IMPG1: variants seen among roughly 807,000 people sequenced by gnomAD.
The protein encoded by IMPG1 is interphotoreceptor matrix proteoglycan of 150 kDa.
In IMPG1, 85 loss-of-function variants were observed where a neutral mutation model predicts 92.0. The ratio of observed to expected loss-of-function variants is 0.92; its 90% CI spans 0.78 to 1.11. The LOEUF is 1.11. IMPG1 is among the 50% of genes least tolerant of loss of function. The pLI is 0.00. For synonymous variants in IMPG1, 367 were observed against 334.1 expected, an observed-to-expected ratio of 1.10 and a Z score of -1.08; for missense variants, 1,022 against 956.0, an observed-to-expected ratio of 1.07 and a Z score of -0.91.
At chr6:75,934,092 C>T (rs1781702359) in intron 14 of IMPG1, among the ~76,000 whole-genome samples, 2 of 152,120 alleles carry the variant, frequency 1.3e-5, no homozygotes, top group South Asian at 4.1e-4. Context: ...TGAGAGCCCC[C>T]CCACCCCACC....
chr6:76,020,065 A>AT (rs1783390177), intron 6 of IMPG1, among the ~76,000 whole-genome samples: 1 of 151,950 alleles, frequency 6.6e-6, no homozygotes, highest in South Asian at 2.1e-4. Flanking sequence ...TTATTTATTT[A>AT]TTTTTTTGAC....
At chr6:75,958,751 G>C (rs1782168929) in intron 12 of IMPG1, among the ~76,000 whole-genome samples, 1 of 151,912 alleles carries the variant, frequency 6.6e-6, no homozygotes, top group South Asian at 2.1e-4. Flanking sequence ...TCTCTAAACT[G>C]GTTATTCTAG....
At chr6:76,045,434 C>A (rs1437174882) in intron 1 of IMPG1, among the ~76,000 whole-genome samples, 25 of 144,896 alleles carry the variant, frequency 1.7e-4, no homozygotes, top group Non-Finnish European at 3.4e-4. Context: ...GAACAAACAA[C>A]CTCCATCTTT....
chr6:75,924,713 A>AATTATAT (rs1409806786), intron 15 of IMPG1, among the ~76,000 whole-genome samples: 1 of 9,448 alleles, frequency 1.1e-4, no homozygotes, highest in African/African-American at 3.3e-4. Flanking sequence ...TATAATATAT[A>AATTATAT]ATATATAATA....
At chr6:76,007,829 A>G (rs1783123271) in intron 8 of IMPG1, among the ~76,000 whole-genome samples, 1 of 152,184 alleles carries the variant, frequency 6.6e-6, no homozygotes, top group Admixed American at 6.6e-5. Context: ...CTGGAAATCT[A>G]TCCTACATGT....
Position 76,034,674 on chromosome 6 carries a change from C to T in IMPG1, c.415G>A (p.Asp139Asn), listed in dbSNP as rs1164239157. Residue 139 changes from aspartate (D) to asparagine (N), a missense_variant, in exon 3 of 17, where the codon GAC becomes AAC. Around this residue, in one of 3 missense-constraint regions of IMPG1, gnomAD observed 681 missense variants for 583.6 expected, o/e 1.17. Transcript: ENST00000369950. ...GAATTGCTGAAGTTTTTTCCAATGT[C>T]AAAGAGGCAGAAGGTCTCCTGCTGG... ...ICQQETFCLF[D>N]IGKNFSNSQE... 1 of 1,614,154 alleles carries T rather than the reference C, an allele frequency of 6.2e-7. No individual in the cohort carries two copies. Among genetic ancestry groups the T allele is most frequent in the South Asian group, 1.1e-5 (1 of 91,084 alleles).
intron 12 of IMPG1, among the ~76,000 whole-genome samples, chr6:75,984,476 A>G (rs1346668904): frequency 6.6e-6 from 1 of 152,242 alleles, no homozygotes; most frequent in East Asian, 1.9e-4. Flanking sequence ...AAAGACAAAT[A>G]CCATATGATC....
Position 75,950,569 on chromosome 6 carries a change from G to A in IMPG1, c.1817C>T (p.Thr606Ile). 6.2e-7 allele frequency: 1 copy of A among 1,606,624 alleles called. No homozygotes were observed. The highest frequency in any genetic ancestry group is 1.1e-5 in the South Asian group (1 of 89,772). Residue 606 changes from threonine (T) to isoleucine (I), a missense_variant, in exon 13 of 17, where the codon ACA becomes ATA. Thr to Ile is a moderately conservative substitution (Grantham distance 89). This residue lies in a region of IMPG1 where 332 missense variants were observed against 346.2 expected (regional missense o/e 0.96). Transcript: ENST00000369950. ...TGAGCAGTGCCCACTCACCAGCTGT[G>A]TGAATTGTTGCTCCAGAGCTCGGTA... ...LEYRALEQQF[T>I]QLLVPYLRSN...
intron 7 of IMPG1, among the ~76,000 whole-genome samples, chr6:76,013,249 C>T (rs1009544679): frequency 6.6e-6 from 1 of 151,968 alleles, no homozygotes; most frequent in Non-Finnish European, 1.5e-5. Context: ...CATTTAAGAC[C>T]CTCCAGAATC....
At chr6:76,024,740 C>A (rs951473236) in intron 5 of IMPG1, among the ~76,000 whole-genome samples, 1 of 152,116 alleles carries the variant, frequency 6.6e-6, no homozygotes, top group African/African-American at 2.4e-5. Flanking sequence ...ATGTCAGATA[C>A]AATGATGCAA....
chr6:76,009,260 TA>T (rs1190627742), intron 8 of IMPG1, among the ~76,000 whole-genome samples: 1 of 152,196 alleles, frequency 6.6e-6, no homozygotes, highest in Non-Finnish European at 1.5e-5. Context: ...AAGCAATATT[TA>T]AAGTGGCCCT....
Position 76,049,604 on chromosome 6 carries a change from T to A in IMPG1, c.68-7478A>T, listed in dbSNP as rs1784002750. On this transcript the variant is annotated intron_variant, in intron 1 of 16. Transcript: ENST00000369950. ...TATCTAACACACAATATACAGAAAGTGACAGTAAACTAAAACTCCACTGAT... is the reference window on the plus strand; with the variant it reads ...TATCTAACACACAATATACAGAAAGAGACAGTAAACTAAAACTCCACTGAT... Among the ~76,000 whole-genome samples, 5 of 152,202 alleles carry A rather than the reference T, an allele frequency of 3.3e-5. No homozygotes were observed. The South Asian group carries it at 1.0e-3, about 32-fold the overall frequency.
chr6:76,056,595 G>A (rs1784124230), intron 1 of IMPG1, among the ~76,000 whole-genome samples: 2 of 152,070 alleles, frequency 1.3e-5, no homozygotes, highest in Admixed American at 1.3e-4. Context: ...TTAATTTTTT[G>A]AAGAACTTCC....
chr6:76,000,668 G>A lies in IMPG1; in HGVS notation c.1291+2250C>T, dbSNP rs548829708. Among the ~76,000 whole-genome samples, 7 of 152,236 alleles carry A rather than the reference G, an allele frequency of 4.6e-5. No homozygotes were observed. In the South Asian group the frequency reaches 6.2e-4, roughly 14 times the overall value. On this transcript the variant is annotated intron_variant, in intron 12 of 16. Transcript: ENST00000369950. ...GAGCGGGGTGGTTAACAAGAGTCACGTGCCAGAAATGTCAAATGAAAAGAG... is the reference window on the plus strand; with the variant it reads ...GAGCGGGGTGGTTAACAAGAGTCACATGCCAGAAATGTCAAATGAAAAGAG...
chr6:76,068,510 C>CTTTTT (rs1160277573), intron 1 of IMPG1, among the ~76,000 whole-genome samples: 1 of 110,194 alleles, frequency 9.1e-6, no homozygotes, highest in Non-Finnish European at 1.8e-5. Flanking sequence ...AATGTCCATA[C>CTTTTT]TTTTTTTTTT....
At position 75,968,608 on chromosome 6, in the gene IMPG1, A is replaced by C. The variant is rs532923180; in HGVS notation, c.1292-17514T>G. On this transcript the variant is annotated intron_variant, in intron 12 of 16. Transcript: ENST00000369950. ...TTTTTTTTTACTTTCTCCATCATTT[A>C]CTATTTTTCACTTTTAGGGAAAATA... Among the ~76,000 whole-genome samples, 44 of 151,356 alleles carry C rather than the reference A, an allele frequency of 2.9e-4. No homozygotes were observed. The South Asian group carries it at 5.0e-3, about 17-fold the overall frequency.
chr6:75,981,026 G>T (rs1417590414), intron 12 of IMPG1, among the ~76,000 whole-genome samples: 1 of 152,150 alleles, frequency 6.6e-6, no homozygotes, highest in Non-Finnish European at 1.5e-5. Context: ...GTAGAGGAAA[G>T]GTTCCACAAT....
intron 15 of IMPG1, among the ~76,000 whole-genome samples, chr6:75,928,024 G>GA (rs768096464): frequency 6.6e-6 from 1 of 152,028 alleles, no homozygotes; most frequent in Non-Finnish European, 1.5e-5. Flanking sequence ...TCTCACTAAA[G>GA]AAAGAGAAAT....
intron 9 of IMPG1, 21 bp downstream of exon 9, chr6:76,007,459 A>C: frequency 6.4e-7 from 1 of 1,573,636 alleles, no homozygotes; most frequent in Non-Finnish European, 8.7e-7. Context: ...ACTATATTTC[A>C]AAACTTAAAG....
Sources: allele counts gnomAD v4.1 joint callset (sites outside exome capture counted in the v4.1 genomes callset), GRCh38; gene constraint gnomAD v4.1.1; regional missense constraint gnomAD v4.1.1; transcripts MANE v1.5; gene names NCBI Gene and HGNC (gene_info 2026-07-23, HGNC 2026-07-21).